Variants in PTPN14 observed in about 807,000 individuals in gnomAD.
The protein encoded by PTPN14 is tyrosine-protein phosphatase non-receptor type 14.
Under a neutral mutation model 126.8 loss-of-function variants are expected in PTPN14, and 53 were observed. The ratio of observed to expected loss-of-function variants is 0.42; its 90% confidence interval spans 0.34 to 0.53. The LOEUF (loss-of-function observed/expected upper bound fraction) is 0.53, where lower values mean the gene tolerates loss of function less well. Ranked by LOEUF, PTPN14 falls within the 20% of genes least tolerant of loss-of-function variation. The pLI is 0.08. For missense variants in PTPN14, 1,257 were observed against 1,552.9 expected, an observed-to-expected ratio of 0.81 and a Z score of 3.20; for synonymous variants, 630 against 599.3, an observed-to-expected ratio of 1.05 and a Z score of -0.75.
chr1:214,403,530 C>T (rs1054177441), intron 5 of PTPN14, among the ~76,000 whole-genome samples: 1 of 152,188 alleles, frequency 6.6e-6, no homozygotes, highest in Non-Finnish European at 1.5e-5. Flanking sequence ...GACTAGTCAG[C>T]ATCTCTACCA....
chr1:214,473,277 T>C (rs1228054493), intron 1 of PTPN14, among the ~76,000 whole-genome samples: 1 of 152,204 alleles, frequency 6.6e-6, no homozygotes, highest in East Asian at 1.9e-4. Flanking sequence ...TTCACAAATA[T>C]CAACCAAATG....
chr1:214,544,674 C>T (rs908052558), intron 1 of PTPN14, among the ~76,000 whole-genome samples: 4 of 151,918 alleles, frequency 2.6e-5, no homozygotes, highest in Admixed American at 2.0e-4. Context: ...TCGCTTGAAC[C>T]TGGGAGGTGG....
At chr1:214,509,588 G>A (rs6701315) in intron 1 of PTPN14, among the ~76,000 whole-genome samples, 12,220 of 152,260 alleles carry the variant, frequency 0.08, 682 homozygotes, top group African/African-American at 0.15. Flanking sequence ...TCACTGGAGT[G>A]GCAATTTTTA....
chr1:214,426,032 CAAAAAAAAAAAAA>C (rs66656875), intron 3 of PTPN14, among the ~76,000 whole-genome samples: 4 of 33,868 alleles, frequency 1.2e-4, no homozygotes, highest in Admixed American at 5.3e-4. Context: ...GCATAAATCG[CAAAAAAAAAAAAA>C]AAAAAAAAAA....
intron 1 of PTPN14, chr1:214,532,898 A>T (rs1407875675): frequency 9.8e-7 from 1 of 1,016,578 alleles, no homozygotes; most frequent in African/African-American, 1.6e-5. Context: ...GATGCCCCCA[A>T]ATCTCAGGAC....
chr1:214,410,786 T>A (rs4295859), intron 5 of PTPN14, among the ~76,000 whole-genome samples: 4 of 151,952 alleles, frequency 2.6e-5, no homozygotes, highest in African/African-American at 4.8e-5. Flanking sequence ...TACTTCTGGG[T>A]GTTCTATTCT....
At chr1:214,396,383 C>T (rs1188612448) in intron 8 of PTPN14, among the ~76,000 whole-genome samples, 1 of 152,204 alleles carries the variant, frequency 6.6e-6, no homozygotes, top group African/African-American at 2.4e-5. Context: ...GCAATACTCT[C>T]TAATAGTGCT....
chr1:214,398,033 G>C, intron 7 of PTPN14, 32 bp from the exon 8 acceptor site: 1 of 1,520,394 alleles, frequency 6.6e-7, no homozygotes, highest in Non-Finnish European at 9.1e-7. Flanking sequence ...TACTTGTGAT[G>C]ACCCATGTTC....
chr1:214,500,511 C>T (rs1230971055), intron 1 of PTPN14, among the ~76,000 whole-genome samples: 2 of 152,140 alleles, frequency 1.3e-5, no homozygotes, highest in Non-Finnish European at 2.9e-5. Context: ...ACTTGGTGAA[C>T]TGACAGCTCT....
chr1:214,458,380 A>G (rs1660432473), intron 2 of PTPN14, among the ~76,000 whole-genome samples: 1 of 152,112 alleles, frequency 6.6e-6, no homozygotes, highest in Non-Finnish European at 1.5e-5. Flanking sequence ...CTAAAAATGG[A>G]ACAAGCAGAC....
chr1:214,435,432 T>C (rs1425056237), intron 3 of PTPN14, among the ~76,000 whole-genome samples: 1 of 152,068 alleles, frequency 6.6e-6, no homozygotes, highest in African/African-American at 2.4e-5. Flanking sequence ...AAAATAATCA[T>C]TTTAAACCAG....
chr1:214,383,841 G>A lies in PTPN14; in HGVS notation c.2014C>T (p.Arg672Trp), dbSNP rs751637510. The A allele has an allele frequency of 2.4e-5, 38 of 1,612,378 alleles. No individual in the cohort carries two copies. Among genetic ancestry groups the A allele is most frequent in the Admixed American group, 1.3e-4 (8 of 60,006 alleles). Residue 672 changes from arginine (R) to tryptophan (W), a missense_variant, in exon 13 of 19, where the codon CGG becomes TGG. Coordinates refer to ENST00000366956, the MANE Select transcript of PTPN14 (RefSeq NM_005401.5). This position sits in a 1 kb window ranked among gnomAD's most constrained non-coding sequence, Gnocchi z 4.4. Reference protein sequence around the residue: ...HLPMARRNTLREQGPPEEGSG... With the variant: ...HLPMARRNTLWEQGPPEEGSG... ...CCCTCCTCGGGCGGTCCCTGCTCCC[G>A]GAGCGTGTTGCGGCGAGCCATGGGG...
intron 8 of PTPN14, among the ~76,000 whole-genome samples, chr1:214,396,529 G>C (rs1191098611): frequency 1.3e-5 from 2 of 152,106 alleles, no homozygotes; most frequent in African/African-American, 4.8e-5. Flanking sequence ...CAAATCAACT[G>C]CTGAAATCCT....
At chr1:214,398,958 A>G (rs12030894) in intron 7 of PTPN14, among the ~76,000 whole-genome samples, 15,599 of 150,816 alleles carry the variant, frequency 0.1, 1,230 homozygotes, top group East Asian at 0.36. Flanking sequence ...TAGTAGAGAC[A>G]GGGTTTCACC....
At chr1:214,434,478 G>A (rs1659867128) in intron 3 of PTPN14, among the ~76,000 whole-genome samples, 1 of 151,002 alleles carries the variant, frequency 6.6e-6, no homozygotes. Context: ...AAAAACTGAT[G>A]AAAGCAATGA....
chr1:214,471,607 G>A (rs1660761001), intron 1 of PTPN14, among the ~76,000 whole-genome samples: 1 of 152,150 alleles, frequency 6.6e-6, no homozygotes, highest in Non-Finnish European at 1.5e-5. Context: ...TGTAGAGAAA[G>A]TCTTTTAAAA....
chr1:214,435,256 G>A (rs938505382), intron 3 of PTPN14, among the ~76,000 whole-genome samples: 22 of 149,304 alleles, frequency 1.5e-4, no homozygotes, highest in Admixed American at 1.3e-3. Context: ...GTGTGTGTGC[G>A]TGTGTGTGTG....
At chr1:214,438,214 G>A (rs913261983) in intron 3 of PTPN14, among the ~76,000 whole-genome samples, 3 of 152,138 alleles carry the variant, frequency 2.0e-5, no homozygotes, top group Non-Finnish European at 4.4e-5. Flanking sequence ...CAGCCAACCT[G>A]GCTTCCCTGT....
At chr1:214,406,996 A>C (rs926984402) in intron 5 of PTPN14, among the ~76,000 whole-genome samples, 1 of 152,172 alleles carries the variant, frequency 6.6e-6, no homozygotes, top group Non-Finnish European at 1.5e-5. Flanking sequence ...TAAAATTCTA[A>C]GGTTTGAGCC....
Sources: gnomAD v4.1 joint callset for allele counts (sites outside exome capture counted in the v4.1 genomes callset) on GRCh38, gnomAD v4.1.1 for gene constraint, Gnocchi (gnomAD v3.1) non-coding constraint, MANE v1.5 for transcripts, NCBI Gene and HGNC (gene_info 2026-07-23, HGNC 2026-07-21) for gene names.